Variants in SYMPK observed in about 807,000 individuals in gnomAD.
SYMPK encodes symplekin scaffold protein.
A neutral mutation model predicts 136.4 loss-of-function variants in SYMPK; 49 were observed. The observed-to-expected ratio is 0.36, with a 90% CI of 0.29 to 0.46. The LOEUF (loss-of-function observed/expected upper bound fraction) is 0.46, where lower values mean the gene tolerates loss of function less well. SYMPK is among the 20% of genes least tolerant of loss of function. SYMPK has a pLI of 1.00. For synonymous variants in SYMPK, 766 were observed against 713.0 expected, an observed-to-expected ratio of 1.07 and a Z score of -1.19; for missense variants, 1,365 against 1,690.0, an observed-to-expected ratio of 0.81 and a Z score of 3.37.
chr19:45,859,013 TCCACCCTCCTTGG>T (rs1183137628), intron 1 of SYMPK, among the ~76,000 whole-genome samples: 1 of 151,752 alleles, frequency 6.6e-6, no homozygotes, highest in East Asian at 2.0e-4. Context: ...ACTCAAGCAA[TCCACCCTCCTTGG>T]CCTCCCAAAG....
chr19:45,847,292 C>T (rs1485779039), intron 7 of SYMPK, among the ~76,000 whole-genome samples: 3 of 151,890 alleles, frequency 2.0e-5, no homozygotes, highest in Admixed American at 6.6e-5. Flanking sequence ...GGTATGGTGG[C>T]GGGAGCCTGT....
At chr19:45,839,575 A>G (rs1323131201) in intron 9 of SYMPK, among the ~76,000 whole-genome samples, 1 of 152,178 alleles carries the variant, frequency 6.6e-6, no homozygotes, top group Non-Finnish European at 1.5e-5. Context: ...GGCTGGGCGC[A>G]GTGGCTCACA....
chr19:45,821,436 G>A lies in SYMPK; in HGVS notation c.2841C>T (p.Ile947=), dbSNP rs769257088. ...LSPLNPGELL[I]ALHNIDSVKC... ...TCACGGAGTCAATGTTGTGTAATGC[G>A]ATCAGGAGCTCTCCAGGGTTCAGCG... is the stretch of plus-strand genomic sequence containing the variant. Residue 947 remains isoleucine, a synonymous_variant, in exon 22 of 27, where the codon ATC becomes ATT. Coordinates refer to ENST00000245934, the MANE Select transcript of SYMPK (RefSeq NM_004819.3). The surrounding 1 kb of genome is among the most constrained non-coding windows in gnomAD (Gnocchi z 4.4). 9 of 1,614,096 alleles carry A rather than the reference G, an allele frequency of 5.6e-6. No individual in the cohort carries two copies. Among genetic ancestry groups the A allele is most frequent in the East Asian group, 2.2e-5 (1 of 44,870 alleles).
At chr19:45,817,019 T>TC (rs975001445) in intron 23 of SYMPK, 45 bp from the exon 24 acceptor site, 10 of 1,535,028 alleles carry the variant, frequency 6.5e-6, no homozygotes, top group Non-Finnish European at 3.5e-6. Flanking sequence ...CACACAGGCA[T>TC]CCCCCCGAGC....
rs765585607 is a variant in SYMPK, at chr19:45,847,785, G to C, written c.643C>G (p.Arg215Gly). ...RRQEHDISLD[R>G]IPRDHPYIQY... ...ATGTAGGGGTGGTCACGAGGGATGC[G>C]GTCCAGGCTGATATCATGCTCCTGG... The change falls in exon 7 of 27, where the codon CGC becomes GGC. Residue 215 changes from arginine to glycine, a missense_variant. Physicochemically the swap from Arg to Gly is moderately radical, Grantham distance 125. Around this residue, in one of 11 missense-constraint regions of SYMPK, gnomAD observed 237 missense variants for 292.9 expected, o/e 0.81. Coordinates refer to ENST00000245934, the MANE Select transcript of SYMPK (RefSeq NM_004819.3). The C allele has an allele frequency of 6.2e-7, 1 of 1,614,014 alleles. No homozygotes were observed. Among genetic ancestry groups the C allele is most frequent in the East Asian group, 2.2e-5 (1 of 44,874 alleles).
chr19:45,844,257 ACAG>A (rs1971510560), intron 7 of SYMPK, 57 bp from the exon 8 acceptor site: 8 of 1,426,002 alleles, frequency 5.6e-6, no homozygotes, highest in Non-Finnish European at 6.6e-6. Flanking sequence ...GCCTCTGGAG[ACAG>A]CAGCTTTTGG....
rs764507372 is a variant in SYMPK, at chr19:45,831,545, C to T, written c.1437G>A (p.Glu479=). The change falls in exon 12 of 27, where the codon GAG becomes GAA. Residue 479 remains glutamate (E), a synonymous_variant. Coordinates refer to ENST00000245934, the MANE Select transcript of SYMPK (RefSeq NM_004819.3). ...TKQCKEEPKE[E]KVVKTESVLI... is the part of the protein sequence containing the mutation. ...GGACGCTCTCTGTCTTCACCACCTT[C>T]TCCTCCTTGGGCTCCTCCTTGCACT... is the stretch of plus-strand genomic sequence containing the variant. 1 of 1,611,652 alleles carries T rather than the reference C, an allele frequency of 6.2e-7. No homozygotes were observed.
At chr19:45,849,821 G>A (rs1049985810) in intron 5 of SYMPK, among the ~76,000 whole-genome samples, 3 of 152,044 alleles carry the variant, frequency 2.0e-5, no homozygotes, top group African/African-American at 7.2e-5. Flanking sequence ...TGAGGCAGGT[G>A]GGTCACCTGA....
chr19:45,821,166 TA>T lies in SYMPK; in HGVS notation c.2893+217del, dbSNP rs1970879570. On this transcript the variant is annotated intron_variant, in intron 22 of 26. Coordinates refer to ENST00000245934, the MANE Select transcript of SYMPK (RefSeq NM_004819.3). The surrounding 1 kb of genome is among the most constrained non-coding windows in gnomAD (Gnocchi z 4.4). Reference sequence around the variant, plus strand: ...GCAGAAAAAGGTGGGTTGTAAAGGGTAAAACCTGGGAGGAAGGAAGGAGGAG... The same window carrying T: ...GCAGAAAAAGGTGGGTTGTAAAGGGTAAACCTGGGAGGAAGGAAGGAGGAG... The T allele has an allele frequency of 2.7e-6, 1 of 364,110 alleles. No homozygotes were observed. 22.6% of individuals were successfully genotyped at this position (364,110 alleles called of 1,614,324 possible).
chr19:45,842,035 C>A (rs1377073238), intron 9 of SYMPK, among the ~76,000 whole-genome samples: 1 of 151,690 alleles, frequency 6.6e-6, no homozygotes, highest in Non-Finnish European at 1.5e-5. Flanking sequence ...CAGGGTTTTG[C>A]CATGTTGCCT....
chr19:45,854,059 G>A (rs1406318639), intron 3 of SYMPK, 116 bp downstream of exon 3: 29 of 987,048 alleles, frequency 2.9e-5, no homozygotes, highest in Middle Eastern at 2.1e-4. Flanking sequence ...GAGCACTGTG[G>A]CCGGCACACA....
At chr19:45,860,494 C>CAT (rs150180119) in intron 1 of SYMPK, among the ~76,000 whole-genome samples, 2 of 150,990 alleles carry the variant, frequency 1.3e-5, no homozygotes, top group East Asian at 1.9e-4. Context: ...CCCACACACA[C>CAT]AGAGAGAGAA....
At chr19:45,822,717 G>A in intron 21 of SYMPK, 39 bp downstream of exon 21, 1 of 1,576,394 alleles carries the variant, frequency 6.3e-7, no homozygotes, top group African/African-American at 1.3e-5. Context: ...CACCTGGGGT[G>A]GGTGGGCCTC....
intron 16 of SYMPK, among the ~76,000 whole-genome samples, chr19:45,826,620 T>G (rs2146308951): frequency 6.6e-6 from 1 of 152,210 alleles, no homozygotes; most frequent in East Asian, 1.9e-4. Context: ...CTTGCCTTGC[T>G]CACTAAGCTC....
intron 13 of SYMPK, 112 bp downstream of exon 13, chr19:45,829,942 G>C: frequency 1.6e-6 from 2 of 1,260,318 alleles, no homozygotes; most frequent in Non-Finnish European, 1.1e-6. Flanking sequence ...CAGCAGAGCT[G>C]GGGTCCGCAG....
intron 23 of SYMPK, 112 bp downstream of exon 23, chr19:45,817,847 G>T (rs983267922): frequency 1.8e-6 from 2 of 1,133,098 alleles, no homozygotes; most frequent in Non-Finnish European, 2.5e-6. Flanking sequence ...GCAGAGCAGA[G>T]CCTGCTGTCC....
At position 45,863,099 on chromosome 19, in the gene SYMPK, G is replaced by A; in HGVS notation, c.-54C>T. ...GTTCCCCTCGCGCCCCCTCAGCAGTGCCTCTTCCTACACTCCGCCGCCGCC... is the reference window on the plus strand; with the variant it reads ...GTTCCCCTCGCGCCCCCTCAGCAGTACCTCTTCCTACACTCCGCCGCCGCC... On this transcript the variant is annotated 5_prime_UTR_variant, in exon 1 of 27. Transcript: ENST00000245934. 1 of 403,336 alleles carries A rather than the reference G, an allele frequency of 2.5e-6. No homozygotes were observed. Among genetic ancestry groups the A allele is most frequent in the Non-Finnish European group, 4.4e-6 (1 of 228,324 alleles). The allele number at this position is 403,336 out of a possible 1,614,324, so 25.0% of individuals were successfully genotyped here.
chr19:45,846,888 G>A (rs918921780), intron 7 of SYMPK, among the ~76,000 whole-genome samples: 2 of 151,784 alleles, frequency 1.3e-5, no homozygotes, highest in African/African-American at 4.8e-5. Flanking sequence ...CTGCCTCCTG[G>A]GTTCAAGCGA....
intron 1 of SYMPK, among the ~76,000 whole-genome samples, chr19:45,859,392 G>A (rs1971908427): frequency 6.6e-6 from 1 of 151,572 alleles, no homozygotes; most frequent in Non-Finnish European, 1.5e-5. Context: ...GAGGCCAGGA[G>A]TTCAAGACCA....
Sources: allele counts gnomAD v4.1 joint callset (sites outside exome capture counted in the v4.1 genomes callset), GRCh38; gene constraint gnomAD v4.1.1; regional missense constraint gnomAD v4.1.1; non-coding constraint Gnocchi (gnomAD v3.1); transcripts MANE v1.5; gene names NCBI Gene and HGNC (gene_info 2026-07-23, HGNC 2026-07-21).